HERC2: variants seen among roughly 807,000 people sequenced by gnomAD.
HERC2 encodes E3 ubiquitin-protein ligase HERC2.
A neutral mutation model predicts 537.7 loss-of-function variants in HERC2; 102 were observed. The observed-to-expected ratio is 0.19, with a 90% CI of 0.16 to 0.22. HERC2 has a LOEUF of 0.22. HERC2 is among the 10% of genes least tolerant of loss of function. The pLI, the probability that HERC2 is intolerant of heterozygous loss-of-function variation, is 1.00. For synonymous variants in HERC2, 2,224 were observed against 2,466.2 expected (o/e 0.90, Z 2.91); for missense variants, 4,236 against 6,198.2 (o/e 0.68, Z 10.63).
intron 21 of HERC2, among the ~76,000 whole-genome samples, chr15:28,247,582 C>T (rs1212781116): frequency 6.6e-6 from 1 of 152,086 alleles, no homozygotes; most frequent in African/African-American, 2.4e-5. Flanking sequence ...GCACCTGCCA[C>T]TATGCCCAGC....
In HERC2 at chr15:28,254,363, A is replaced by C. The variant is rs1448979679; in HGVS notation, c.3027T>G (p.Val1009=). The stretch of plus-strand genomic sequence containing the variant: ...ACCTAAGAAGCTGTTGTATGAGCTG[A>C]ACCAGAGGCAAACACTGTTTGCCAG... ...ESSGKQCLPL[V]QLIQQLLRNI... is the part of the protein sequence containing the mutation. Residue 1009 remains valine (V), a synonymous_variant, in exon 20 of 93, where the codon GTT becomes GTG. Coordinates refer to ENST00000261609, the MANE Select transcript of HERC2 (RefSeq NM_004667.6). 5 of 1,604,180 alleles carry C rather than the reference A, an allele frequency of 3.1e-6. No homozygotes were observed. In the African/African-American group the frequency reaches 6.7e-5, roughly 22 times the overall value.
chr15:28,228,285 T>G lies in HERC2; in HGVS notation c.5397A>C (p.Ala1799=). 1 of 1,613,182 alleles carries G rather than the reference T, an allele frequency of 6.2e-7. No homozygotes were observed. Among genetic ancestry groups the G allele is most frequent in the East Asian group, 2.2e-5 (1 of 44,880 alleles). The change falls in exon 35 of 93, where the codon GCA becomes GCC. Residue 1799 remains alanine (A), a synonymous_variant. Coordinates refer to ENST00000261609, the MANE Select transcript of HERC2 (RefSeq NM_004667.6). ...AATTGAGCAGAAGGTCGAGGTTGTT[T>G]GCGCCGTGCTGCAGGGTGAGCATGC... ...MLSMLTLQHG[A]NNLDLLLNSG...
chr15:28,276,853 A>C (rs2075888320), intron 5 of HERC2, among the ~76,000 whole-genome samples: 1 of 152,280 alleles, frequency 6.6e-6, no homozygotes, highest in Non-Finnish European at 1.5e-5. Flanking sequence ...AAAAAAGTCA[A>C]TATTGCTTGA....
intron 79 of HERC2, among the ~76,000 whole-genome samples, chr15:28,134,703 CTTT>C (rs71132835): frequency 2.5e-4 from 29 of 114,768 alleles, no homozygotes; most frequent in Non-Finnish European, 2.9e-4. Context: ...ATTTTTTCCT[CTTT>C]TTTTTTTTTT....
At chr15:28,186,507 T>C in intron 56 of HERC2, 70 bp downstream of exon 56, 1 of 1,270,902 alleles carries the variant, frequency 7.9e-7, no homozygotes, top group Non-Finnish European at 1.1e-6. Flanking sequence ...AATTAAATGT[T>C]TCCTTTCGAA....
chr15:28,123,962 A>C (rs1889200478), intron 85 of HERC2, 75 bp downstream of exon 85: 2 of 1,220,464 alleles, frequency 1.6e-6, no homozygotes, highest in African/African-American at 3.1e-5. Context: ...TTCTATTCCC[A>C]GTATAGGAAT....
intron 52 of HERC2, among the ~76,000 whole-genome samples, chr15:28,195,254 T>G (rs1265033063): frequency 1.3e-5 from 2 of 151,954 alleles, no homozygotes; most frequent in African/African-American, 4.8e-5. Context: ...ATGCACTCCT[T>G]ATACACAGAG....
intron 78 of HERC2, 45 bp downstream of exon 78, chr15:28,141,387 T>C (rs751289939): frequency 1.1e-4 from 170 of 1,572,056 alleles, no homozygotes; most frequent in Non-Finnish European, 1.4e-4. Flanking sequence ...TAGCCACAAC[T>C]GCCTCAGGCT....
chr15:28,290,348 T>C (rs1338563578), intron 4 of HERC2, among the ~76,000 whole-genome samples: 3 of 152,056 alleles, frequency 2.0e-5, no homozygotes, highest in African/African-American at 7.2e-5. Context: ...CAGACTAAAG[T>C]GCAGGGGTGC....
rs191404708 is a variant in HERC2, at chr15:28,238,227, A to G, written c.3749-10T>C. ...TCCCCTGCAAACTGAGCTGAAACAA[A>G]AAGGGAAAAAGCAACATGAGTTCAA... On this transcript the variant is annotated splice_polypyrimidine_tract_variant and intron_variant, in intron 24 of 92. Transcript: ENST00000261609. 6.1e-4 allele frequency: 914 copies of G among 1,497,396 alleles called. 1 individual carries two copies. Among genetic ancestry groups the G allele is most frequent in the Non-Finnish European group, 8.2e-4 (877 of 1,075,120 alleles). The allele number at this position is 1,497,396 out of a possible 1,614,324, so 92.8% of individuals were successfully genotyped here.
At chr15:28,201,716 T>C (rs1287768645) in intron 47 of HERC2, among the ~76,000 whole-genome samples, 162 bp from the exon 48 acceptor site, 3 of 152,218 alleles carry the variant, frequency 2.0e-5, no homozygotes, top group Admixed American at 6.5e-5. Flanking sequence ...AGCAGTAGCA[T>C]AGTAGGCAGA....
Position 28,222,352 on chromosome 15 carries a change from T to C in HERC2, c.5465-137A>G, listed in dbSNP as rs975936775. The C allele has an allele frequency of 2.2e-5, 12 of 552,866 alleles. No individual in the cohort carries two copies. The African/African-American group carries it at 2.2e-4, about 10-fold the overall frequency. The allele number at this position is 552,866 out of a possible 1,614,324, so 34.2% of individuals were successfully genotyped here. On this transcript the variant is annotated intron_variant, in intron 35 of 92. Transcript: ENST00000261609. ...TACTATATGTTTTATCAATATAATATTATGAATATTTTACTGATATAGGAT... is the reference window on the plus strand; with the variant it reads ...TACTATATGTTTTATCAATATAATACTATGAATATTTTACTGATATAGGAT...
intron 44 of HERC2, among the ~76,000 whole-genome samples, chr15:28,210,223 T>C (rs1488054013): frequency 2.0e-5 from 3 of 152,068 alleles, no homozygotes; most frequent in Non-Finnish European, 4.4e-5. Context: ...AAGCTCCGCC[T>C]CCCGGATTCA....
chr15:28,153,865 C>T (rs899994540), intron 69 of HERC2, among the ~76,000 whole-genome samples: 8 of 151,966 alleles, frequency 5.3e-5, no homozygotes, highest in Admixed American at 4.6e-4. Flanking sequence ...TAGAAGGCAA[C>T]GGAGCCCGGT....
chr15:28,312,917 A>G (rs2141285981), intron 2 of HERC2: 1 of 156,128 alleles, frequency 6.4e-6, no homozygotes, highest in South Asian at 2.0e-4. Context: ...TCGTCAAAAG[A>G]CCCCAGCAAA....
chr15:28,137,543 C>A (rs1289906340), intron 78 of HERC2, among the ~76,000 whole-genome samples: 2 of 152,178 alleles, frequency 1.3e-5, no homozygotes, highest in East Asian at 1.9e-4. Context: ...TTATGATGAT[C>A]TGTGATCAGT....
At chr15:28,173,604 A>G (rs1252963006) in intron 65 of HERC2, among the ~76,000 whole-genome samples, 1 of 151,936 alleles carries the variant, frequency 6.6e-6, no homozygotes, top group East Asian at 1.9e-4. Context: ...TTCAAGACCA[A>G]CCTGAGCAAC....
chr15:28,274,171 G>T lies in HERC2; in HGVS notation c.800+120C>A, dbSNP rs1357315226. The T allele has an allele frequency of 3.3e-6, 3 of 905,516 alleles. No homozygotes were observed. In the East Asian group the frequency reaches 8.0e-5, roughly 24 times the overall value. The allele number at this position is 905,516 out of a possible 1,614,324, so 56.1% of individuals were successfully genotyped here. A position where few individuals can be genotyped will look rare whatever the true frequency, so the allele number is the denominator to read the frequency against. ...CCCGGAATCACAGCACTGACAGCCC[G>T]CTGAAAACAGGTGAAAAACCAACCT... On this transcript the variant is annotated intron_variant, in intron 7 of 92. Transcript: ENST00000261609.
At position 28,149,315 on chromosome 15, in the gene HERC2, G is replaced by A. The variant is rs187533877; in HGVS notation, c.10901-2971C>T. Among the ~76,000 whole-genome samples, 933 of 148,080 alleles carry A rather than the reference G, an allele frequency of 6.3e-3. 11 individuals carry two copies. Among genetic ancestry groups the A allele is most frequent in the African/African-American group, 0.023 (903 of 40,132 alleles). The stretch of plus-strand genomic sequence containing the variant: ...ACACGCAGCTCCTGAGAACATCACC[G>A]AAAATGGCCACACCAACATACATTC... On this transcript the variant is annotated intron_variant, in intron 70 of 92. Transcript: ENST00000261609.
Sources: gnomAD v4.1 joint callset for allele counts (sites outside exome capture counted in the v4.1 genomes callset) on GRCh38, gnomAD v4.1.1 for gene constraint, MANE v1.5 for transcripts, NCBI Gene and HGNC (gene_info 2026-07-23, HGNC 2026-07-21) for gene names.